Variants in SFXN4 observed in about 807,000 individuals in gnomAD.
SFXN4 encodes sideroflexin-4.
Under a neutral mutation model 54.6 loss-of-function variants are expected in SFXN4, and 48 were observed. That is an observed-to-expected ratio of 0.88 (90% CI 0.70 to 1.12). The LOEUF is 1.12. Ranked by LOEUF, SFXN4 falls within the 50% of genes most tolerant of loss-of-function variation. The probability of loss-of-function intolerance (pLI) is 0.00; values close to 1 mark genes in which losing one functional copy is unlikely to be tolerated. For missense variants in SFXN4, 383 were observed against 409.2 expected (o/e 0.94, Z 0.55); for synonymous variants, 130 against 145.5 (o/e 0.89, Z 0.77).
intron 11 of SFXN4, among the ~76,000 whole-genome samples, chr10:119,151,015 A>AACTACAGTG (rs1847044836): frequency 3.3e-5 from 5 of 152,206 alleles, no homozygotes; most frequent in Admixed American, 3.3e-4. Flanking sequence ...AGACACAAAA[A>AACTACAGTG]ACTACAGTGT....
At chr10:119,165,293 A>G (rs1847722374) in intron 1 of SFXN4, 8 of 1,234,474 alleles carry the variant, frequency 6.5e-6, no homozygotes, top group African/African-American at 1.6e-5. Context: ...GGCCCCTCCG[A>G]GAGGGCAATC....
intron 2 of SFXN4, 97 bp from the exon 3 acceptor site, chr10:119,162,511 G>A (rs1847595529): frequency 1.2e-5 from 11 of 925,000 alleles, no homozygotes; most frequent in South Asian, 2.9e-5. Flanking sequence ...AGCATGCACT[G>A]GACTTCGACT....
intron 3 of SFXN4, among the ~76,000 whole-genome samples, chr10:119,161,437 C>CAAAAAAAAAAAAAAAAAAAAACCAA (rs1554888747): frequency 2.4e-3 from 284 of 119,710 alleles, no homozygotes; most frequent in Middle Eastern, 4.4e-3. Context: ...CAAAAAAAAA[C>CAAAAAAAAAAAAAAAAAAAAACCAA]AAAAAAAAAA....
Position 119,160,527 on chromosome 10 carries a change from A to G in SFXN4, c.334+388T>C, listed in dbSNP as rs1466188452. Among the ~76,000 whole-genome samples the G allele has an allele frequency of 2.6e-5, 4 of 151,190 alleles. No individual in the cohort carries two copies. The South Asian group carries it at 6.3e-4, about 24-fold the overall frequency. ...CAAGACACTGTTTCAAAAAAAAAAA[A>G]AAAGAAAGAAATCCTGCTGGGGGAG... On this transcript the variant is annotated intron_variant, in intron 5 of 13. Coordinates refer to ENST00000355697, the MANE Select transcript of SFXN4 (RefSeq NM_213649.2).
intron 11 of SFXN4, 30 bp from the exon 12 acceptor site, chr10:119,147,890 G>C (rs774210249): frequency 1.3e-6 from 2 of 1,583,342 alleles, no homozygotes; most frequent in South Asian, 2.2e-5. Flanking sequence ...AACAGCTTAG[G>C]TTGGGCACGG....
chr10:119,160,980 A>C lies in SFXN4; in HGVS notation c.280-11T>G, dbSNP rs765837756. On this transcript the variant is annotated splice_polypyrimidine_tract_variant and intron_variant, in intron 4 of 13. Transcript: ENST00000355697. Reference sequence around the variant, plus strand: ...GGGATGCACTGTTGCCTTCAAAAGGAGAGATGCAAGGTTAGCTGGATGTCT... The same window carrying C: ...GGGATGCACTGTTGCCTTCAAAAGGCGAGATGCAAGGTTAGCTGGATGTCT... The C allele has an allele frequency of 6.2e-7, 1 of 1,614,160 alleles. No individual in the cohort carries two copies. Among genetic ancestry groups the C allele is most frequent in the East Asian group, 2.2e-5 (1 of 44,886 alleles).
Position 119,141,060 on chromosome 10 carries a change from C to T in SFXN4, c.*182G>A. 3.9e-6 allele frequency: 2 copies of T among 507,250 alleles called. No individual in the cohort carries two copies. 31.4% of individuals were successfully genotyped at this position (507,250 alleles called of 1,614,324 possible). On this transcript the variant is annotated 3_prime_UTR_variant, in exon 14 of 14. Coordinates refer to ENST00000355697, the MANE Select transcript of SFXN4 (RefSeq NM_213649.2). ...GGCACCCTCCCACTGTCTTCTCCAG[C>T]CAGCCTTAAAAACCCCAGAGACGCC...
chr10:119,153,131 C>T lies in SFXN4; in HGVS notation c.732+1931G>A, dbSNP rs75490766. On this transcript the variant is annotated intron_variant, in intron 11 of 13. Coordinates refer to ENST00000355697, the MANE Select transcript of SFXN4 (RefSeq NM_213649.2). ...TGAACTGAACAAAAGAATACTTTGG[C>T]CAGGCCCAGTGGCTCACCCCTGCAA... Among the ~76,000 whole-genome samples, 1,292 of 152,224 alleles carry T rather than the reference C, an allele frequency of 8.5e-3. 48 individuals carry two copies. In the East Asian group the frequency reaches 0.086, roughly 10 times the overall value.
At position 119,152,938 on chromosome 10, in the gene SFXN4, G is replaced by GAT. The variant is rs1847129736; in HGVS notation, c.732+2122_732+2123dup. ...ATATCAGGGCTGTTCCACTCTGCTT[G>GAT]ATATGTCATTTGCAAACAACTAAAG... is the stretch of plus-strand genomic sequence containing the variant. On this transcript the variant is annotated intron_variant, in intron 11 of 13. Coordinates refer to ENST00000355697, the MANE Select transcript of SFXN4 (RefSeq NM_213649.2). Among the ~76,000 whole-genome samples the GAT allele has an allele frequency of 3.9e-5, 6 of 152,132 alleles. No individual in the cohort carries two copies. The South Asian group carries it at 1.2e-3, about 32-fold the overall frequency.
chr10:119,147,996 C>T, intron 11 of SFXN4, 136 bp from the exon 12 acceptor site: 2 of 621,064 alleles, frequency 3.2e-6, no homozygotes, highest in Non-Finnish European at 5.7e-6. Context: ...CATGGTGAAA[C>T]CCTGTCTCTA....
rs535375173 is a variant in SFXN4 at position 119,142,877 on chromosome 10, G to A, written c.937-1558C>T. Among the ~76,000 whole-genome samples, 87 of 151,776 alleles carry A rather than the reference G, an allele frequency of 5.7e-4. 1 individual carries two copies. The Middle Eastern group carries it at 0.01, about 18-fold the overall frequency. ...CTCTCGAGTAGCTGGGATTACAGGCGCCTGCCACCATGCCTGGCTAATTTT... is the reference window on the plus strand; with the variant it reads ...CTCTCGAGTAGCTGGGATTACAGGCACCTGCCACCATGCCTGGCTAATTTT... On this transcript the variant is annotated intron_variant, in intron 13 of 13. Transcript: ENST00000355697.
rs796225083 is a variant in SFXN4 at position 119,148,141 on chromosome 10, C to G, written c.733-281G>C. Among the ~76,000 whole-genome samples the G allele has an allele frequency of 2.6e-5, 4 of 152,212 alleles. 1 individual carries two copies. Among genetic ancestry groups the G allele is most frequent in the African/African-American group, 9.6e-5 (4 of 41,540 alleles). On this transcript the variant is annotated intron_variant, in intron 11 of 13. Coordinates refer to ENST00000355697, the MANE Select transcript of SFXN4 (RefSeq NM_213649.2). The stretch of plus-strand genomic sequence containing the variant: ...GAGCCAAGATCACGCCACTGCACTC[C>G]AGATTGGGCGACGGAGTGAAACTCT...
chr10:119,159,863 A>G, intron 5 of SFXN4, 110 bp from the exon 6 acceptor site: 1 of 1,149,162 alleles, frequency 8.7e-7, no homozygotes, highest in Non-Finnish European at 1.3e-6. Context: ...CAGAAGGCAC[A>G]GACCTCAAAG....
At chr10:119,165,451 TG>T in intron 1 of SFXN4, 85 bp downstream of exon 1, 1 of 1,390,332 alleles carries the variant, frequency 7.2e-7, no homozygotes, top group Non-Finnish European at 9.3e-7. Flanking sequence ...CCACGTGGCC[TG>T]GCCAAGGTCA....
chr10:119,158,966 G>A (rs932539410), intron 6 of SFXN4, among the ~76,000 whole-genome samples: 2 of 152,004 alleles, frequency 1.3e-5, no homozygotes, highest in African/African-American at 4.8e-5. Context: ...CTGGGCAACA[G>A]AGCAAGACCC....
At chr10:119,152,715 C>T (rs1438730159) in intron 11 of SFXN4, among the ~76,000 whole-genome samples, 1 of 151,696 alleles carries the variant, frequency 6.6e-6, no homozygotes, top group East Asian at 1.9e-4. Flanking sequence ...TATAATTCAG[C>T]TTTGTCAGTC....
intron 11 of SFXN4, among the ~76,000 whole-genome samples, chr10:119,154,172 C>T (rs1395302292): frequency 2.0e-5 from 3 of 148,400 alleles, no homozygotes; most frequent in African/African-American, 2.5e-5. Context: ...GGCAAGACTC[C>T]GTCTCAAAAA....
chr10:119,142,974 C>T (rs931045185), intron 13 of SFXN4, among the ~76,000 whole-genome samples: 4 of 152,082 alleles, frequency 2.6e-5, no homozygotes, highest in South Asian at 2.1e-4. Flanking sequence ...CCTCGTGATC[C>T]GCCCGCCTCG....
chr10:119,162,262 C>T, intron 3 of SFXN4, 78 bp downstream of exon 3: 1 of 1,177,714 alleles, frequency 8.5e-7, no homozygotes, highest in Non-Finnish European at 1.2e-6. Context: ...GATTAATGGC[C>T]AAATTCCACC....
Sources: allele counts gnomAD v4.1 joint callset (sites outside exome capture counted in the v4.1 genomes callset), GRCh38; gene constraint gnomAD v4.1.1; transcripts MANE v1.5; gene names NCBI Gene and HGNC (gene_info 2026-07-23, HGNC 2026-07-21).